The following RALYL variants were observed in gnomAD, a reference collection of about 807,000 sequenced individuals.
RALYL encodes the protein RNA-binding Raly-like protein.
RALYL carries 29 observed loss-of-function variants against 35.1 expected under a neutral mutation model. The ratio of observed to expected loss-of-function variants is 0.83; its 90% CI spans 0.61 to 1.13. The LOEUF is 1.13. Among genes scored for constraint, RALYL ranks in the 50% most tolerant of loss-of-function variants. The probability of loss-of-function intolerance (pLI) is 0.00; values close to 1 mark genes in which losing one functional copy is unlikely to be tolerated. For synonymous variants in RALYL, 120 were observed against 127.6 expected (o/e 0.94, Z 0.40); for missense variants, 359 against 360.4 (o/e 1.00, Z 0.03).
At chr8:84,918,855 G>C (rs186535205) in intron 8 of RALYL, among the ~76,000 whole-genome samples, 1 of 152,176 alleles carries the variant, frequency 6.6e-6, no homozygotes, top group East Asian at 1.9e-4. Context: ...TTTATGGTAA[G>C]AAGGAAGACT....
intron 1 of RALYL, among the ~76,000 whole-genome samples, chr8:84,457,921 G>C (rs1384996257): frequency 6.6e-6 from 1 of 151,570 alleles, no homozygotes; most frequent in Admixed American, 6.6e-5. Flanking sequence ...CTGTGTCATT[G>C]ACAAGATATC....
At chr8:84,598,791 T>C (rs1362241009) in intron 2 of RALYL, among the ~76,000 whole-genome samples, 2 of 152,078 alleles carry the variant, frequency 1.3e-5, no homozygotes, top group African/African-American at 4.8e-5. Flanking sequence ...AATATAGGAG[T>C]GCAGGTATCT....
intron 2 of RALYL, among the ~76,000 whole-genome samples, chr8:84,634,480 C>T (rs1023052536): frequency 4.0e-5 from 6 of 151,798 alleles, no homozygotes; most frequent in Admixed American, 6.6e-5. Flanking sequence ...ATGAAATATT[C>T]GTCCTATTGG....
chr8:84,644,819 T>A (rs1827139040), intron 2 of RALYL, among the ~76,000 whole-genome samples: 1 of 151,996 alleles, frequency 6.6e-6, no homozygotes, highest in African/African-American at 2.4e-5. Flanking sequence ...TGGTTCAATT[T>A]TGGCTCACTG....
chr8:84,603,468 A>G (rs989372028), intron 2 of RALYL, among the ~76,000 whole-genome samples: 2 of 151,722 alleles, frequency 1.3e-5, no homozygotes, highest in South Asian at 2.1e-4. Context: ...ATTACTATAA[A>G]TAATTGAGAA....
At chr8:84,606,307 G>A (rs188021057) in intron 2 of RALYL, among the ~76,000 whole-genome samples, 73 of 152,184 alleles carry the variant, frequency 4.8e-4, no homozygotes, top group African/African-American at 1.4e-3. Context: ...TGAATGAATC[G>A]TTTTCAGCAA....
At chr8:84,283,736 A>G (rs1030127951) in intron 1 of RALYL, among the ~76,000 whole-genome samples, 1 of 152,138 alleles carries the variant, frequency 6.6e-6, no homozygotes, top group African/African-American at 2.4e-5. Context: ...ATATCACCCA[A>G]TAGATTGGCT....
intron 2 of RALYL, among the ~76,000 whole-genome samples, chr8:84,534,608 T>C (rs1464246967): frequency 6.6e-6 from 1 of 152,018 alleles, no homozygotes; most frequent in African/African-American, 2.4e-5. Context: ...GATAGATGGT[T>C]AGTAGGAGGA....
chr8:84,560,448 A>T (rs771904581), intron 2 of RALYL, among the ~76,000 whole-genome samples: 3 of 152,034 alleles, frequency 2.0e-5, no homozygotes, highest in Non-Finnish European at 4.4e-5. Flanking sequence ...TGAAGGGACA[A>T]TACAATAACA....
At chr8:84,674,269 T>C (rs1036490903) in intron 2 of RALYL, among the ~76,000 whole-genome samples, 4 of 152,206 alleles carry the variant, frequency 2.6e-5, no homozygotes, top group African/African-American at 9.6e-5. Flanking sequence ...TTAAGAAGCT[T>C]TTGAGCTGAG....
At chr8:84,393,068 A>C (rs1162534298) in intron 1 of RALYL, among the ~76,000 whole-genome samples, 1 of 152,058 alleles carries the variant, frequency 6.6e-6, no homozygotes, top group Non-Finnish European at 1.5e-5. Context: ...AAATTACCGC[A>C]AAGTTTAATG....
intron 1 of RALYL, among the ~76,000 whole-genome samples, chr8:84,344,625 C>T (rs1222360495): frequency 6.6e-6 from 1 of 151,986 alleles, no homozygotes; most frequent in South Asian, 2.1e-4. Flanking sequence ...AATTAAATCA[C>T]ACTAACATAT....
chr8:84,336,720 T>C (rs1847870588), intron 1 of RALYL, among the ~76,000 whole-genome samples: 1 of 152,064 alleles, frequency 6.6e-6, no homozygotes, highest in Non-Finnish European at 1.5e-5. Context: ...CTTTTCGTGG[T>C]ATTAAACAGC....
chr8:84,705,363 A>G (rs531854886), intron 2 of RALYL, among the ~76,000 whole-genome samples: 5 of 152,260 alleles, frequency 3.3e-5, no homozygotes, highest in Admixed American at 6.5e-5. Flanking sequence ...AGTGCCTGCT[A>G]CATAGTAGGC....
At chr8:84,359,828 A>G (rs1460767004) in intron 1 of RALYL, among the ~76,000 whole-genome samples, 3 of 151,910 alleles carry the variant, frequency 2.0e-5, no homozygotes, top group Non-Finnish European at 4.4e-5. Flanking sequence ...CTAGCCACAC[A>G]TGGCTTTTTA....
intron 2 of RALYL, among the ~76,000 whole-genome samples, chr8:84,624,437 C>A (rs1822275504): frequency 6.6e-6 from 1 of 152,186 alleles, no homozygotes; most frequent in African/African-American, 2.4e-5. Flanking sequence ...ATGCACATTC[C>A]TTGGCGCATG....
intron 4 of RALYL, among the ~76,000 whole-genome samples, chr8:84,824,978 A>G (rs1037538656): frequency 1.3e-5 from 2 of 152,188 alleles, no homozygotes; most frequent in Non-Finnish European, 2.9e-5. Flanking sequence ...AAGCAATCAC[A>G]ATGAAAACAA....
intron 4 of RALYL, among the ~76,000 whole-genome samples, chr8:84,816,816 G>C (rs76431770): frequency 6.6e-6 from 1 of 151,940 alleles, no homozygotes; most frequent in Non-Finnish European, 1.5e-5. Context: ...AATGGATACC[G>C]CATTCTCCCT....
chr8:84,731,765 T>TA (rs1214856325), intron 2 of RALYL, among the ~76,000 whole-genome samples: 5 of 152,122 alleles, frequency 3.3e-5, no homozygotes, highest in East Asian at 1.9e-4. Context: ...AATAGTAATG[T>TA]AAAAAAACTA....
Sources: gnomAD v4.1 joint callset for allele counts (sites outside exome capture counted in the v4.1 genomes callset) on GRCh38, gnomAD v4.1.1 for gene constraint, MANE v1.5 for transcripts, NCBI Gene and HGNC (gene_info 2026-07-23, HGNC 2026-07-21) for gene names.